Variants in PDE11A observed in about 807,000 individuals in gnomAD.
PDE11A encodes the protein dual 3',5'-cyclic-AMP and -GMP phosphodiesterase 11A.
Under a neutral mutation model 100.5 loss-of-function variants are expected in PDE11A, and 100 were observed. That is an observed-to-expected ratio of 1.00 (90% CI 0.85 to 1.18). The LOEUF is 1.18. PDE11A is among the 50% of genes most tolerant of loss of function. The pLI, the probability that PDE11A is intolerant of heterozygous loss-of-function variation, is 0.00. For missense variants in PDE11A, 1,141 were observed against 1,152.6 expected (o/e 0.99, Z 0.15); for synonymous variants, 381 against 420.8 (o/e 0.91, Z 1.16).
At chr2:177,689,166 T>G (rs2081002867) in intron 15 of PDE11A, among the ~76,000 whole-genome samples, 2 of 152,116 alleles carry the variant, frequency 1.3e-5, no homozygotes, top group South Asian at 4.2e-4. Flanking sequence ...CACCGCAACC[T>G]CCTCCTCTCG....
chr2:177,716,836 A>G (rs2081444555), intron 12 of PDE11A, among the ~76,000 whole-genome samples: 1 of 152,202 alleles, frequency 6.6e-6, no homozygotes, highest in African/African-American at 2.4e-5. Flanking sequence ...AGTAGTTAAA[A>G]TCAAATGCCA....
intron 9 of PDE11A, among the ~76,000 whole-genome samples, chr2:177,792,460 C>CA (rs1368681107): frequency 6.6e-6 from 1 of 152,140 alleles, no homozygotes; most frequent in Non-Finnish European, 1.5e-5. Flanking sequence ...CCTCTCCCCC[C>CA]ATGGTTTTTG....
intron 2 of PDE11A, among the ~76,000 whole-genome samples, chr2:177,970,720 T>G (rs898364694): frequency 2.6e-5 from 4 of 152,012 alleles, no homozygotes; most frequent in African/African-American, 7.3e-5. Flanking sequence ...TCCCAAGAGA[T>G]AGACTGTAGA....
chr2:177,912,683 T>G (rs137958309), intron 2 of PDE11A, among the ~76,000 whole-genome samples: 1 of 152,202 alleles, frequency 6.6e-6, no homozygotes, highest in East Asian at 1.9e-4. Flanking sequence ...TTTCTGATCA[T>G]AGATTTCAAG....
chr2:178,039,959 G>T (rs936338310), intron 1 of PDE11A, among the ~76,000 whole-genome samples: 1 of 152,040 alleles, frequency 6.6e-6, no homozygotes, highest in Non-Finnish European at 1.5e-5. Context: ...AGGGAAACAA[G>T]GGGATATTTC....
At chr2:177,864,654 G>A (rs1261450513) in intron 5 of PDE11A, among the ~76,000 whole-genome samples, 1 of 152,128 alleles carries the variant, frequency 6.6e-6, no homozygotes, top group Admixed American at 6.6e-5. Context: ...GACACATCAT[G>A]TACTTCAGAA....
Position 178,071,884 on chromosome 2 carries a change from T to C in PDE11A, c.554A>G (p.Tyr185Cys), listed in dbSNP as rs950251211. 48 of 1,613,830 alleles carry C rather than the reference T, an allele frequency of 3.0e-5. No homozygotes were observed. Among genetic ancestry groups the C allele is most frequent in the Non-Finnish European group, 4.0e-5 (47 of 1,179,710 alleles). ...LLESRVNLPR[Y>C]PPTAIDYKCH... The stretch of plus-strand genomic sequence containing the variant: ...CTTGTAGTCGATGGCTGTAGGGGGA[T>C]ACCGAGGCAGATTCACTCTCGATTC... Residue 185 changes from tyrosine to cysteine, a missense_variant, in exon 1 of 20, where the codon TAT (tyrosine) becomes TGT (cysteine). Coordinates refer to ENST00000286063, the MANE Select transcript of PDE11A (RefSeq NM_016953.4).
chr2:177,759,713 A>G (rs951745943), intron 10 of PDE11A, among the ~76,000 whole-genome samples: 21 of 152,346 alleles, frequency 1.4e-4, no homozygotes, highest in African/African-American at 4.8e-4. Flanking sequence ...CAATGTCTCC[A>G]TAATGTTTCT....
chr2:177,949,412 C>G (rs1197263750), intron 2 of PDE11A, among the ~76,000 whole-genome samples: 3 of 152,128 alleles, frequency 2.0e-5, no homozygotes, highest in Non-Finnish European at 2.9e-5. Flanking sequence ...CAGAGATAGC[C>G]TTTCTCAATA....
chr2:177,662,172 AGCCC>A (rs904504585), intron 19 of PDE11A, among the ~76,000 whole-genome samples: 3 of 152,234 alleles, frequency 2.0e-5, no homozygotes, highest in Non-Finnish European at 2.9e-5. Context: ...GCATAAGATA[AGCCC>A]TAAAGGATTG....
chr2:177,990,721 G>C (rs1574326846), intron 2 of PDE11A, among the ~76,000 whole-genome samples: 1 of 149,520 alleles, frequency 6.7e-6, no homozygotes, highest in East Asian at 2.0e-4. Flanking sequence ...CTGGGTGACA[G>C]AGCGAGACTC....
chr2:177,727,687 C>G lies in PDE11A; in HGVS notation c.2014G>C (p.Val672Leu). The G allele has an allele frequency of 6.2e-7, 1 of 1,608,376 alleles. No homozygotes were observed. Among genetic ancestry groups the G allele is most frequent in the Non-Finnish European group, 8.5e-7 (1 of 1,174,944 alleles). The change falls in exon 12 of 20, where the codon GTG (valine) becomes CTG (leucine). Residue 672 changes from valine to leucine, a missense_variant. Val to Leu is a conservative substitution (Grantham distance 32). Coordinates refer to ENST00000286063, the MANE Select transcript of PDE11A (RefSeq NM_016953.4). The part of the protein sequence containing the change: ...LYHNWRHAFN[V>L]CQLMFAMLTT... ...AACATCGCGAACATCAGCTGACACA[C>G]GTTGAAGGCATGTCTCCAGTTGTGG...
chr2:178,049,271 A>G (rs2086791344), intron 1 of PDE11A, among the ~76,000 whole-genome samples: 1 of 152,344 alleles, frequency 6.6e-6, no homozygotes, highest in East Asian at 1.9e-4. Context: ...AAGTAACTCA[A>G]AAGAACTTTC....
rs575086117 is a variant in PDE11A, at chr2:177,955,915, T to C, written c.1072-50728A>G. ...ACCTTATACAAAAATTAATTCAAGA[T>C]GGATTAAAGACTTAAATGTTAGACC... is the stretch of plus-strand genomic sequence containing the variant. On this transcript the variant is annotated intron_variant, in intron 2 of 19. Coordinates refer to ENST00000286063, the MANE Select transcript of PDE11A (RefSeq NM_016953.4). Among the ~76,000 whole-genome samples the C allele has an allele frequency of 3.5e-4, 54 of 152,270 alleles. 1 individual carries two copies. In the East Asian group the frequency reaches 7.3e-3, roughly 21 times the overall value.
At chr2:177,988,786 G>T (rs1368184492) in intron 2 of PDE11A, among the ~76,000 whole-genome samples, 3 of 152,158 alleles carry the variant, frequency 2.0e-5, no homozygotes, top group Non-Finnish European at 2.9e-5. Context: ...CAAGCTGAGG[G>T]CCACTTAGAG....
chr2:177,743,346 A>C (rs986672478), intron 10 of PDE11A, among the ~76,000 whole-genome samples: 47 of 152,360 alleles, frequency 3.1e-4, no homozygotes, highest in African/African-American at 1.1e-3. Context: ...AGATAAGAAC[A>C]AGGACATATA....
chr2:177,852,065 G>A lies in PDE11A; in HGVS notation c.1368-11682C>T, dbSNP rs540208066. On this transcript the variant is annotated intron_variant, in intron 5 of 19. Coordinates refer to ENST00000286063, the MANE Select transcript of PDE11A (RefSeq NM_016953.4). ...GCCCCTAGAGTCCAGAGTTCCCTAT[G>A]TATATACCTAAGTACTTTCTGGGGA... 1.1e-4 allele frequency among the ~76,000 whole-genome samples: 16 copies of A among 152,208 alleles called. No homozygotes were observed. In the East Asian group the frequency reaches 3.1e-3, roughly 29 times the overall value.
intron 1 of PDE11A, among the ~76,000 whole-genome samples, chr2:178,055,403 C>T (rs149257127): frequency 3.1e-3 from 466 of 151,918 alleles, no homozygotes; most frequent in African/African-American, 0.011. Context: ...ATGTAAATGA[C>T]GAATTAACGG....
Position 177,638,623 on chromosome 2 carries a change from C to T in PDE11A, c.2647-9061G>A, listed in dbSNP as rs994463555. Among the ~76,000 whole-genome samples, 3 of 152,080 alleles carry T rather than the reference C, an allele frequency of 2.0e-5. No homozygotes were observed. The East Asian group carries it at 5.8e-4, about 29-fold the overall frequency. ...TTTTTTTTCCTTTGCTTTAAGCCTT[C>T]TTCAGTTTTGTTCTGGAATATAGTC... On this transcript the variant is annotated intron_variant, in intron 19 of 19. Transcript: ENST00000286063.
Sources: gnomAD v4.1 joint callset for allele counts (sites outside exome capture counted in the v4.1 genomes callset) on GRCh38, gnomAD v4.1.1 for gene constraint, MANE v1.5 for transcripts, NCBI Gene and HGNC (gene_info 2026-07-23, HGNC 2026-07-21) for gene names.